Variants in CDH2 observed in about 807,000 individuals in gnomAD.
The protein encoded by CDH2 is cadherin-2.
CDH2 carries 17 observed loss-of-function variants against 92.0 expected under a neutral mutation model. The ratio of observed to expected loss-of-function variants is 0.18; its 90% confidence interval spans 0.13 to 0.28. The LOEUF is 0.28. Among genes scored for constraint, CDH2 ranks in the 10% least tolerant of loss-of-function variants. CDH2 has a pLI of 1.00. For missense variants in CDH2, 862 were observed against 1,133.1 expected, an observed-to-expected ratio of 0.76 and a Z score of 3.44; for synonymous variants, 419 against 415.9, an observed-to-expected ratio of 1.01 and a Z score of -0.09.
At chr18:28,005,796 G>A in intron 6 of CDH2, 53 bp downstream of exon 6, 3 of 1,381,964 alleles carry the variant, frequency 2.2e-6, no homozygotes, top group Non-Finnish European at 3.0e-6. Context: ...TAACAGGGCT[G>A]GTTACACCAT....
chr18:28,108,303 C>T (rs758841148), intron 2 of CDH2, among the ~76,000 whole-genome samples: 2 of 152,168 alleles, frequency 1.3e-5, no homozygotes, highest in Non-Finnish European at 2.9e-5. Flanking sequence ...AATGTTTAAA[C>T]TACTATGAGA....
Position 28,043,207 on chromosome 18 carries a change from C to A in CDH2, c.173-29298G>T, listed in dbSNP as rs1013295866. On this transcript the variant is annotated intron_variant, in intron 2 of 15. Coordinates refer to ENST00000269141, the MANE Select transcript of CDH2 (RefSeq NM_001792.5). Reference sequence around the variant, plus strand: ...GTGAGGTAACTCAGGAATAGAAAACCAAATATCATATGTTCTCACTTATAA... The same window carrying A: ...GTGAGGTAACTCAGGAATAGAAAACAAAATATCATATGTTCTCACTTATAA... Among the ~76,000 whole-genome samples, 17 of 151,714 alleles carry A rather than the reference C, an allele frequency of 1.1e-4. 1 individual carries two copies. Among genetic ancestry groups the A allele is most frequent in the African/African-American group, 3.6e-4 (15 of 41,294 alleles).
At chr18:27,948,842 G>A (rs1909340555), downstream of CDH2, among the ~76,000 whole-genome samples, 1 of 151,888 alleles carries the variant, frequency 6.6e-6, no homozygotes, top group Non-Finnish European at 1.5e-5. Context: ...CATTGGCATA[G>A]TTTTTAGAGA....
chr18:28,024,022 A>C, intron 2 of CDH2, among the ~76,000 whole-genome samples: 1 of 152,150 alleles, frequency 6.6e-6, no homozygotes, highest in Non-Finnish European at 1.5e-5. Flanking sequence ...GATGGCTTTT[A>C]AAACTTGATC....
chr18:28,069,718 G>A (rs542293832), intron 2 of CDH2, among the ~76,000 whole-genome samples: 87 of 152,202 alleles, frequency 5.7e-4, no homozygotes, highest in Non-Finnish European at 8.7e-4. Flanking sequence ...ACCAGAATGC[G>A]GGACACATTA....
intron 14 of CDH2, among the ~76,000 whole-genome samples, chr18:27,968,328 T>C (rs1392136940): frequency 6.6e-6 from 1 of 151,926 alleles, no homozygotes; most frequent in Non-Finnish European, 1.5e-5. Flanking sequence ...AAATAAATAA[T>C]CAAAAAGCTG....
chr18:28,063,000 T>C (rs1320998520), intron 2 of CDH2, among the ~76,000 whole-genome samples: 1 of 152,110 alleles, frequency 6.6e-6, no homozygotes, highest in African/African-American at 2.4e-5. Context: ...AAAAGCCTAA[T>C]ATGCTCCCAA....
At chr18:27,949,405 A>G (rs1382788189), downstream of CDH2, among the ~76,000 whole-genome samples, 3 of 152,024 alleles carry the variant, frequency 2.0e-5, no homozygotes, top group Non-Finnish European at 4.4e-5. Context: ...ATGCACAAGG[A>G]TGTTTACTGT....
At chr18:28,078,147 C>G (rs1207235973) in intron 2 of CDH2, among the ~76,000 whole-genome samples, 2 of 151,938 alleles carry the variant, frequency 1.3e-5, no homozygotes, top group Non-Finnish European at 2.9e-5. Flanking sequence ...TTCTGCTTGT[C>G]ATGAAAATGA....
intron 2 of CDH2, among the ~76,000 whole-genome samples, chr18:28,105,286 ATGT>A (rs562411395): frequency 2.6e-5 from 4 of 152,206 alleles, no homozygotes; most frequent in Admixed American, 2.6e-4. Flanking sequence ...CACAAAGCAA[ATGT>A]TGTGACAAGG....
At chr18:28,168,789 G>A (rs1396843107) in intron 1 of CDH2, among the ~76,000 whole-genome samples, 1 of 151,950 alleles carries the variant, frequency 6.6e-6, no homozygotes, top group African/African-American at 2.4e-5. Flanking sequence ...TAAACAGAGA[G>A]TGTAATTCAA....
rs200254715 is a variant in CDH2, at chr18:27,990,345, G to C, written c.1350C>G (p.Ile450Met). ...NDGLVTVVKP[I>M]DFETNRMFVL... The stretch of plus-strand genomic sequence containing the variant: ...CAAACATCCTATTTGTTTCAAAGTC[G>C]ATTGGCTGGAAAATAAAAGGGAAGC... The change falls in exon 10 of 16, where the codon ATC becomes ATG. Residue 450 changes from isoleucine (I) to methionine (M), a missense_variant. Ile to Met is a conservative substitution (Grantham distance 10). Coordinates refer to ENST00000269141, the MANE Select transcript of CDH2 (RefSeq NM_001792.5). The C allele has an allele frequency of 6.2e-7, 1 of 1,606,138 alleles. No homozygotes were observed.
At chr18:28,059,988 G>T (rs1283120069) in intron 2 of CDH2, among the ~76,000 whole-genome samples, 2 of 151,728 alleles carry the variant, frequency 1.3e-5, no homozygotes, top group African/African-American at 2.4e-5. Flanking sequence ...ATGATCCTCT[G>T]CACTCTGTAT....
intron 3 of CDH2, 116 bp from the exon 4 acceptor site, chr18:28,012,108 T>C: frequency 1.1e-6 from 1 of 873,542 alleles, no homozygotes; most frequent in Non-Finnish European, 1.7e-6. Context: ...GAACAAAAAA[T>C]AAGTCTGGAG....
At chr18:28,081,929 G>C (rs1003054063) in intron 2 of CDH2, among the ~76,000 whole-genome samples, 1 of 152,142 alleles carries the variant, frequency 6.6e-6, no homozygotes, top group Admixed American at 6.6e-5. Flanking sequence ...AGGAAGGAAG[G>C]AGTATAGCAT....
rs17494038 is a variant in CDH2, at chr18:28,047,011, C to T, written c.173-33102G>A. On this transcript the variant is annotated intron_variant, in intron 2 of 15. Coordinates refer to ENST00000269141, the MANE Select transcript of CDH2 (RefSeq NM_001792.5). ...GATTCTATGAATTTCAAGAATTATA[C>T]ATTACTGGAATGTGCTGAAAACCAA... 8.5e-3 allele frequency among the ~76,000 whole-genome samples: 1,301 copies of T among 152,202 alleles called. 27 individuals are homozygous for T. The highest frequency in any genetic ancestry group is 0.03 in the African/African-American group (1,249 of 41,526).
At position 28,076,594 on chromosome 18, in the gene CDH2, G is replaced by T. The variant is rs17468699; in HGVS notation, c.173-62685C>A. 2.0e-5 allele frequency among the ~76,000 whole-genome samples: 3 copies of T among 151,708 alleles called. No individual in the cohort carries two copies. In the East Asian group the frequency reaches 5.8e-4, roughly 29 times the overall value. ...CTAGGGTACATGTGCAAAATGTGCA[G>T]GTTTGTTACATATGTATACATGTGC... On this transcript the variant is annotated intron_variant, in intron 2 of 15. Coordinates refer to ENST00000269141, the MANE Select transcript of CDH2 (RefSeq NM_001792.5).
downstream of CDH2, among the ~76,000 whole-genome samples, chr18:27,948,496 T>C (rs1909331139): frequency 6.6e-6 from 1 of 150,926 alleles, no homozygotes; most frequent in African/African-American, 2.4e-5. Flanking sequence ...TCAAACATAG[T>C]GAGAACCACA....
At chr18:28,100,200 A>T (rs546877040) in intron 2 of CDH2, among the ~76,000 whole-genome samples, 1 of 149,332 alleles carries the variant, frequency 6.7e-6, no homozygotes, top group Non-Finnish European at 1.5e-5. Flanking sequence ...TGAAATTAAC[A>T]GTTAAATCAG....
Sources: gnomAD v4.1 joint callset for allele counts (sites outside exome capture counted in the v4.1 genomes callset) on GRCh38, gnomAD v4.1.1 for gene constraint, MANE v1.5 for transcripts, NCBI Gene and HGNC (gene_info 2026-07-23, HGNC 2026-07-21) for gene names.